NFIX: variants seen among roughly 807,000 people sequenced by gnomAD.
The protein encoded by NFIX is nuclear factor I X.
In NFIX, 2 loss-of-function variants were observed where a neutral mutation model predicts 53.3. The ratio of observed to expected loss-of-function variants is 0.04; its 90% CI spans 0.02 to 0.12. The LOEUF (loss-of-function observed/expected upper bound fraction) is 0.12. Ranked by LOEUF, NFIX falls within the 10% of genes least tolerant of loss-of-function variation. The probability of loss-of-function intolerance (pLI) is 1.00; values close to 1 mark genes in which losing one functional copy is unlikely to be tolerated. For missense variants in NFIX, 310 were observed against 674.5 expected (o/e 0.46, Z 5.99); for synonymous variants, 244 against 289.0 (o/e 0.84, Z 1.58).
In NFIX at chr19:13,089,032, G is replaced by A. The variant is rs561880696; in HGVS notation, c.1402+896G>A. 9.0e-4 allele frequency among the ~76,000 whole-genome samples: 137 copies of A among 152,174 alleles called. 1 individual carries two copies. Among genetic ancestry groups the A allele is most frequent in the African/African-American group, 5.5e-4 (23 of 41,512 alleles). ...CCACAGGCCAGGGCAGTTCGGTGGC[G>A]GTGGGAGGGGTGGCCCATCTCACAC... is the stretch of plus-strand genomic sequence containing the variant. On this transcript the variant is annotated intron_variant, in intron 9 of 10. Coordinates refer to ENST00000592199, the MANE Select transcript of NFIX (RefSeq NM_001365902.3). This position sits in a 1 kb window ranked among gnomAD's most constrained non-coding sequence, Gnocchi z 4.8.
intron 1 of NFIX, among the ~76,000 whole-genome samples, chr19:12,997,086 C>G (rs2011496673): frequency 6.6e-6 from 1 of 152,268 alleles, no homozygotes; most frequent in Non-Finnish European, 1.5e-5. Context: ...ATTGTCCCCT[C>G]TGCCCAGCCT....
rs911617317 is a variant in NFIX at position 13,049,230 on chromosome 19, G to A, written c.559+23678G>A. On this transcript the variant is annotated intron_variant, in intron 2 of 10. Coordinates refer to ENST00000592199, the MANE Select transcript of NFIX (RefSeq NM_001365902.3). This position sits in a 1 kb window ranked among gnomAD's most constrained non-coding sequence, Gnocchi z 4.5. ...ATCACACTACTGCACTCCAGCCTGG[G>A]CAGGCAACAGAGTAAGACTGCCTCT... Among the ~76,000 whole-genome samples the A allele has an allele frequency of 2.6e-5, 4 of 152,062 alleles. No homozygotes were observed. Among genetic ancestry groups the A allele is most frequent in the African/African-American group, 9.7e-5 (4 of 41,378 alleles).
Position 13,001,094 on chromosome 19 carries a change from C to G in NFIX, c.27+5230C>G, listed in dbSNP as rs772337693. Among the ~76,000 whole-genome samples, 1 of 152,154 alleles carries G rather than the reference C, an allele frequency of 6.6e-6. No homozygotes were observed. Among genetic ancestry groups the G allele is most frequent in the Non-Finnish European group, 1.5e-5 (1 of 68,026 alleles). Reference sequence around the variant, plus strand: ...GGGCCTTCTGTCCCCTCCCTCCCAGCTGGGGTGGGGAAAAGGAGGGGGGTG... The same window carrying G: ...GGGCCTTCTGTCCCCTCCCTCCCAGGTGGGGTGGGGAAAAGGAGGGGGGTG... On this transcript the variant is annotated intron_variant, in intron 1 of 10. Transcript: ENST00000592199. The surrounding 1 kb of genome is among the most constrained non-coding windows in gnomAD (Gnocchi z 6.5).
chr19:13,003,161 C>T (rs767105304), intron 1 of NFIX, among the ~76,000 whole-genome samples: 12 of 152,046 alleles, frequency 7.9e-5, no homozygotes, highest in Non-Finnish European at 1.0e-4. Flanking sequence ...CTGGCACATG[C>T]GGGCACAAAG....
chr19:13,058,252 G>C (rs2015837512), intron 2 of NFIX, among the ~76,000 whole-genome samples: 1 of 152,088 alleles, frequency 6.6e-6, no homozygotes, highest in South Asian at 2.1e-4. Flanking sequence ...CTGTCCTCAG[G>C]AAAGCCCTCA....
chr19:12,997,943 A>G (rs2011528994), intron 1 of NFIX, among the ~76,000 whole-genome samples: 1 of 152,214 alleles, frequency 6.6e-6, no homozygotes, highest in Admixed American at 6.5e-5. Context: ...TGGTGTCTCC[A>G]GGCTGCCAGC....
Position 13,051,971 on chromosome 19 carries a change from ACTTC to A in NFIX, c.560-21072_560-21069del, listed in dbSNP as rs933311360. ...GGCTTCATGCTCTCCAGGTTTCTCC[ACTTC>A]CTTTGCAGACCTCCCTCCTGCCGAT... On this transcript the variant is annotated intron_variant, in intron 2 of 10. Transcript: ENST00000592199. The surrounding 1 kb of genome is among the most constrained non-coding windows in gnomAD (Gnocchi z 5.1). Among the ~76,000 whole-genome samples, 3 of 151,996 alleles carry A rather than the reference ACTTC, an allele frequency of 2.0e-5. No individual in the cohort carries two copies. The highest frequency in any genetic ancestry group is 7.2e-5 in the African/African-American group (3 of 41,400).
rs1193356347 is a variant in NFIX, at chr19:13,037,573, C to A, written c.559+12021C>A. On this transcript the variant is annotated intron_variant, in intron 2 of 10. Transcript: ENST00000592199. The surrounding 1 kb of genome is among the most constrained non-coding windows in gnomAD (Gnocchi z 4.2). ...GGTGGGGAAGAACTAGTCTTCATAG[C>A]CCTGAGCATAGAGGAGGAAATTTGC... is the stretch of plus-strand genomic sequence containing the variant. Among the ~76,000 whole-genome samples, 2 of 152,094 alleles carry A rather than the reference C, an allele frequency of 1.3e-5. No homozygotes were observed. Among genetic ancestry groups the A allele is most frequent in the Non-Finnish European group, 1.5e-5 (1 of 68,024 alleles).
Position 13,072,919 on chromosome 19 carries a change from G to A in NFIX, c.560-128G>A. ...CTGGGGCTGGTTTGGGGAGAGGGTG[G>A]GGTGAAGGTTTCTGTAGCCAGGGTG... On this transcript the variant is annotated intron_variant, in intron 2 of 10. Transcript: ENST00000592199. The surrounding 1 kb of genome is among the most constrained non-coding windows in gnomAD (Gnocchi z 4.0). 1 of 877,576 alleles carries A rather than the reference G, an allele frequency of 1.1e-6. No individual in the cohort carries two copies. 54.4% of individuals were successfully genotyped at this position (877,576 alleles called of 1,614,324 possible). A position where few individuals can be genotyped will look rare whatever the true frequency, so the allele number is the denominator to read the frequency against.
In NFIX at chr19:13,025,918, G is replaced by C. The variant is rs2013307970; in HGVS notation, c.559+366G>C. 2.0e-5 allele frequency among the ~76,000 whole-genome samples: 3 copies of C among 152,134 alleles called. No individual in the cohort carries two copies. Among genetic ancestry groups the C allele is most frequent in the African/African-American group, 7.2e-5 (3 of 41,428 alleles). On this transcript the variant is annotated intron_variant, in intron 2 of 10. Coordinates refer to ENST00000592199, the MANE Select transcript of NFIX (RefSeq NM_001365902.3). The surrounding 1 kb of genome is among the most constrained non-coding windows in gnomAD (Gnocchi z 7.5). ...GAACAACAACAGCAAACCAGTAATTGCTCTTATTAAAATGAGTCAGAAGAA... is the reference window on the plus strand; with the variant it reads ...GAACAACAACAGCAAACCAGTAATTCCTCTTATTAAAATGAGTCAGAAGAA...
rs1429647882 is a variant in NFIX, at chr19:13,094,479, T to A, written c.1495-156T>A. On this transcript the variant is annotated intron_variant, in intron 10 of 10. Transcript: ENST00000592199. This position sits in a 1 kb window ranked among gnomAD's most constrained non-coding sequence, Gnocchi z 4.3. Reference sequence around the variant, plus strand: ...AGGGAGGGAGAGAATGGGGATGCCCTTTCTTCTCCATGGGAACAAGGTGGG... The same window carrying A: ...AGGGAGGGAGAGAATGGGGATGCCCATTCTTCTCCATGGGAACAAGGTGGG... Among the ~76,000 whole-genome samples, 1 of 152,100 alleles carries A rather than the reference T, an allele frequency of 6.6e-6. No homozygotes were observed. Among genetic ancestry groups the A allele is most frequent in the Non-Finnish European group, 1.5e-5 (1 of 67,986 alleles).
At position 13,078,382 on chromosome 19, in the gene NFIX, G is replaced by A. The variant is rs759737886; in HGVS notation, c.956-231G>A. ...CCACCCCACATTACCCAGGGGCCTCGTTTTCCTCTCTGGTTAGAAGCACCC... is the reference window on the plus strand; with the variant it reads ...CCACCCCACATTACCCAGGGGCCTCATTTTCCTCTCTGGTTAGAAGCACCC... On this transcript the variant is annotated intron_variant, in intron 6 of 10. Transcript: ENST00000592199. The surrounding 1 kb of genome is among the most constrained non-coding windows in gnomAD (Gnocchi z 4.7). 3.9e-5 allele frequency among the ~76,000 whole-genome samples: 6 copies of A among 152,148 alleles called. No individual in the cohort carries two copies. Among genetic ancestry groups the A allele is most frequent in the African/African-American group, 1.4e-4 (6 of 41,436 alleles).
At chr19:13,076,973 C>A (rs750557949) in intron 6 of NFIX, among the ~76,000 whole-genome samples, 2 of 152,112 alleles carry the variant, frequency 1.3e-5, no homozygotes, top group African/African-American at 2.4e-5. Flanking sequence ...AGGCTCTCCT[C>A]GTGGCAGGCA....
At chr19:12,997,071 C>T (rs955924428) in intron 1 of NFIX, among the ~76,000 whole-genome samples, 5 of 152,244 alleles carry the variant, frequency 3.3e-5, no homozygotes, top group Admixed American at 2.0e-4. Flanking sequence ...CTAGGCCAGG[C>T]CCTAATTGTC....
At chr19:13,055,604 C>T (rs2015620490) in intron 2 of NFIX, among the ~76,000 whole-genome samples, 1 of 152,214 alleles carries the variant, frequency 6.6e-6, no homozygotes, top group Non-Finnish European at 1.5e-5. Flanking sequence ...GACCACCCTC[C>T]ACTTGGAGCA....
chr19:13,001,878 G>C lies in NFIX; in HGVS notation c.27+6014G>C, dbSNP rs981223952. 6.6e-6 allele frequency among the ~76,000 whole-genome samples: 1 copy of C among 152,240 alleles called. No individual in the cohort carries two copies. The highest frequency in any genetic ancestry group is 2.4e-5 in the African/African-American group (1 of 41,466). Reference sequence around the variant, plus strand: ...CCCATGAGGTTGAGCGGCCGCAGTGGCCTTGCTGGGGGCCCCGCCCGTGCC... The same window carrying C: ...CCCATGAGGTTGAGCGGCCGCAGTGCCCTTGCTGGGGGCCCCGCCCGTGCC... On this transcript the variant is annotated intron_variant, in intron 1 of 10. Transcript: ENST00000592199. The surrounding 1 kb of genome is among the most constrained non-coding windows in gnomAD (Gnocchi z 6.5).
chr19:13,067,798 T>A lies in NFIX; in HGVS notation c.560-5249T>A, dbSNP rs932843244. ...TACCTCCCCATCTGTAGGTGGAAAA[T>A]ATATATATATATATTAAAAACATGC... On this transcript the variant is annotated intron_variant, in intron 2 of 10. Transcript: ENST00000592199. This position sits in a 1 kb window ranked among gnomAD's most constrained non-coding sequence, Gnocchi z 4.2. Among the ~76,000 whole-genome samples, 14 of 150,730 alleles carry A rather than the reference T, an allele frequency of 9.3e-5. No individual in the cohort carries two copies. The highest frequency in any genetic ancestry group is 2.4e-4 in the African/African-American group (10 of 41,036).
intron 1 of NFIX, among the ~76,000 whole-genome samples, chr19:13,015,820 G>GCACACA (rs2012635212): frequency 2.0e-5 from 3 of 152,074 alleles, no homozygotes; most frequent in South Asian, 4.2e-4. Flanking sequence ...ACACGCACAC[G>GCACACA]CACACGCACT....
rs1454107525 is a variant in NFIX at position 13,089,395 on chromosome 19, G to A, written c.1403-904G>A. ...GTTCCCTCCAGCAGGGCTCCATCTGGACAACCTGAGAGGAACTCAGGGCTG... is the reference window on the plus strand; with the variant it reads ...GTTCCCTCCAGCAGGGCTCCATCTGAACAACCTGAGAGGAACTCAGGGCTG... On this transcript the variant is annotated intron_variant, in intron 9 of 10. Coordinates refer to ENST00000592199, the MANE Select transcript of NFIX (RefSeq NM_001365902.3). This position sits in a 1 kb window ranked among gnomAD's most constrained non-coding sequence, Gnocchi z 4.8. 6.6e-6 allele frequency among the ~76,000 whole-genome samples: 1 copy of A among 152,152 alleles called. No individual in the cohort carries two copies. Among genetic ancestry groups the A allele is most frequent in the African/African-American group, 2.4e-5 (1 of 41,422 alleles).
Sources: allele counts gnomAD v4.1 joint callset (sites outside exome capture counted in the v4.1 genomes callset), GRCh38; gene constraint gnomAD v4.1.1; non-coding constraint Gnocchi (gnomAD v3.1); transcripts MANE v1.5; gene names NCBI Gene and HGNC (gene_info 2026-07-23, HGNC 2026-07-21).